The following ECT2L variants were observed in gnomAD, a reference collection of about 807,000 sequenced individuals.
ECT2L encodes epithelial cell transforming 2 like.
Under a neutral mutation model 122.8 loss-of-function variants are expected in ECT2L, and 126 were observed. The ratio of observed to expected loss-of-function variants is 1.03; its 90% CI spans 0.89 to 1.19. ECT2L has a LOEUF of 1.19. Ranked by LOEUF, ECT2L falls within the 50% of genes most tolerant of loss-of-function variation. The pLI is 0.00. For synonymous variants in ECT2L, 385 were observed against 381.8 expected (o/e 1.01, Z -0.10); for missense variants, 1,012 against 1,064.1 (o/e 0.95, Z 0.68).
At position 138,902,658 on chromosome 6, in the gene ECT2L, T is replaced by C. The variant is rs750213027; in HGVS notation, c.*31T>C. 8 of 1,611,552 alleles carry C rather than the reference T, an allele frequency of 5.0e-6. No individual in the cohort carries two copies. In the Admixed American group the frequency reaches 1.2e-4, roughly 24 times the overall value. On this transcript the variant is annotated 3_prime_UTR_variant, in exon 22 of 22. Coordinates refer to ENST00000541398, the MANE Select transcript of ECT2L (RefSeq NM_001077706.3). The stretch of plus-strand genomic sequence containing the variant: ...AACTTGAAAACTTCAGGGGTGCCAA[T>C]TCTCCCCAGCAAAGACAGACAACAT...
At chr6:138,893,432 T>C (rs1019213437) in intron 20 of ECT2L, among the ~76,000 whole-genome samples, 2 of 151,834 alleles carry the variant, frequency 1.3e-5, no homozygotes, top group African/African-American at 4.8e-5. Context: ...TTTTTATTTT[T>C]TTTTGTGAGA....
intron 11 of ECT2L, 138 bp from the exon 12 acceptor site, chr6:138,864,858 T>A: frequency 1.4e-6 from 1 of 731,982 alleles, no homozygotes; most frequent in Admixed American, 3.1e-5. Flanking sequence ...AGGATGGGTG[T>A]TTGTCTTAGT....
chr6:138,818,249 T>C (rs1485197097), intron 4 of ECT2L, among the ~76,000 whole-genome samples: 1 of 152,158 alleles, frequency 6.6e-6, no homozygotes, highest in Non-Finnish European at 1.5e-5. Flanking sequence ...GGATTCACTC[T>C]CGTCACTTGT....
intron 20 of ECT2L, among the ~76,000 whole-genome samples, chr6:138,896,091 A>AGTTTTT (rs1255944186): frequency 0.048 from 6,801 of 141,538 alleles, 378 homozygotes; most frequent in East Asian, 0.14. Flanking sequence ...TTCATTGCTG[A>AGTTTTT]ATTTTTTTTT....
At chr6:138,816,062 T>C (rs1234651939) in intron 4 of ECT2L, among the ~76,000 whole-genome samples, 2 of 152,246 alleles carry the variant, frequency 1.3e-5, no homozygotes, top group Admixed American at 6.5e-5. Flanking sequence ...TCAGTCAATG[T>C]TGAAAAATCA....
At chr6:138,872,577 T>G (rs1778296404) in intron 13 of ECT2L, among the ~76,000 whole-genome samples, 1 of 152,208 alleles carries the variant, frequency 6.6e-6, no homozygotes, top group African/African-American at 2.4e-5. Context: ...TCTTGGAGAT[T>G]ATTCTCCCAA....
intron 12 of ECT2L, among the ~76,000 whole-genome samples, chr6:138,865,639 T>C (rs748470892): frequency 1.3e-5 from 2 of 152,230 alleles, no homozygotes; most frequent in Non-Finnish European, 2.9e-5. Context: ...TTAGACGTGG[T>C]TGAATGAATG....
At chr6:138,816,524 G>A (rs868680606) in intron 4 of ECT2L, among the ~76,000 whole-genome samples, 10 of 151,544 alleles carry the variant, frequency 6.6e-5, no homozygotes, top group African/African-American at 1.7e-4. Context: ...TTGCTCTGTC[G>A]CCCAGGCTGG....
chr6:138,877,894 G>A (rs963513916), intron 14 of ECT2L, among the ~76,000 whole-genome samples: 1 of 152,190 alleles, frequency 6.6e-6, no homozygotes, highest in Non-Finnish European at 1.5e-5. Context: ...TTCAGCCTGG[G>A]TGACAGAGGG....
chr6:138,866,620 C>G (rs1327514110), intron 12 of ECT2L, among the ~76,000 whole-genome samples: 1 of 151,816 alleles, frequency 6.6e-6, no homozygotes, highest in Non-Finnish European at 1.5e-5. Context: ...CTCCTGACCT[C>G]AAGTGATAAG....
intron 4 of ECT2L, among the ~76,000 whole-genome samples, chr6:138,816,359 T>C (rs892540083): frequency 6.6e-6 from 1 of 152,234 alleles, no homozygotes; most frequent in Non-Finnish European, 1.5e-5. Flanking sequence ...GACAAGAATA[T>C]AAAACTAACC....
At chr6:138,898,775 T>C (rs371909858) in intron 20 of ECT2L, among the ~76,000 whole-genome samples, 1 of 152,178 alleles carries the variant, frequency 6.6e-6, no homozygotes, top group African/African-American at 2.4e-5. Flanking sequence ...GATAAAAATA[T>C]ACACAGCAGT....
chr6:138,896,834 G>A (rs1255793895), intron 20 of ECT2L, among the ~76,000 whole-genome samples: 1 of 152,062 alleles, frequency 6.6e-6, no homozygotes, highest in Non-Finnish European at 1.5e-5. Context: ...TTTTAGTAGA[G>A]ACGGGGTTTC....
At chr6:138,880,664 C>A (rs1778613996) in intron 14 of ECT2L, among the ~76,000 whole-genome samples, 2 of 152,168 alleles carry the variant, frequency 1.3e-5, no homozygotes, top group South Asian at 4.1e-4. Context: ...CAGCATAAGA[C>A]ACCTAATATG....
chr6:138,809,620 A>G (rs1258248362), intron 1 of ECT2L, among the ~76,000 whole-genome samples: 1 of 151,928 alleles, frequency 6.6e-6, no homozygotes, highest in South Asian at 2.1e-4. Flanking sequence ...TATATTACTG[A>G]GTTTGGTGTT....
In ECT2L at chr6:138,844,763, A is replaced by G. The variant is rs183303213; in HGVS notation, c.764+183A>G. ...AAACATGCCTTCTGAAGAGGTAAACATATAACATACAAAACTTACATTTTA... is the reference window on the plus strand; with the variant it reads ...AAACATGCCTTCTGAAGAGGTAAACGTATAACATACAAAACTTACATTTTA... On this transcript the variant is annotated intron_variant, in intron 7 of 21. Transcript: ENST00000541398. Among the ~76,000 whole-genome samples, 565 of 151,700 alleles carry G rather than the reference A, an allele frequency of 3.7e-3. 3 individuals are homozygous for G. The highest frequency in any genetic ancestry group is 0.013 in the African/African-American group (535 of 41,346).
Position 138,813,298 on chromosome 6 carries a change from T to C in ECT2L, c.24T>C (p.Phe8=). 3 of 1,612,696 alleles carry C rather than the reference T, an allele frequency of 1.9e-6. No homozygotes were observed. Reference sequence around the variant, plus strand: ...AAATGGAGAGCTTCCACACCAGATTTAGTGCCTGGACACCTTTTAGCAACA... The same window carrying C: ...AAATGGAGAGCTTCCACACCAGATTCAGTGCCTGGACACCTTTTAGCAACA... MESFHTR[F]SAWTPFSNKS... is the part of the protein sequence containing the mutation. The change falls in exon 3 of 22, where the codon TTT becomes TTC. Residue 8 remains phenylalanine (F), a synonymous_variant. Transcript: ENST00000541398.
At chr6:138,828,320 G>A (rs999819845) in intron 4 of ECT2L, among the ~76,000 whole-genome samples, 2 of 152,080 alleles carry the variant, frequency 1.3e-5, no homozygotes, top group Non-Finnish European at 2.9e-5. Context: ...ATGACTTCTA[G>A]ATTTCTTTCA....
chr6:138,900,153 A>G (rs1779350910), intron 20 of ECT2L, among the ~76,000 whole-genome samples: 1 of 152,214 alleles, frequency 6.6e-6, no homozygotes, highest in Non-Finnish European at 1.5e-5. Context: ...AAAAATGTTT[A>G]TATTTACTTC....
Sources: gnomAD v4.1 joint callset for allele counts (sites outside exome capture counted in the v4.1 genomes callset) on GRCh38, gnomAD v4.1.1 for gene constraint, MANE v1.5 for transcripts, NCBI Gene and HGNC (gene_info 2026-07-23, HGNC 2026-07-21) for gene names.